Variants in TMEM94 observed in about 807,000 individuals in gnomAD.
The protein encoded by TMEM94 is transmembrane protein 94, also known as ER Mg2+ ATPase.
A neutral mutation model predicts 158.6 loss-of-function variants in TMEM94; 81 were observed. That is an observed-to-expected ratio of 0.51 (90% CI 0.43 to 0.61). The LOEUF (loss-of-function observed/expected upper bound fraction) is 0.61. TMEM94 is among the 20% of genes least tolerant of loss of function. TMEM94 has a pLI of 0.00. For synonymous variants in TMEM94, 751 were observed against 730.7 expected (o/e 1.03, Z -0.45); for missense variants, 1,435 against 1,762.0 (o/e 0.81, Z 3.32).
At chr17:75,490,103 T>C in intron 9 of TMEM94, 131 bp from the exon 10 acceptor site, 1 of 1,340,034 alleles carries the variant, frequency 7.5e-7, no homozygotes. Context: ...GAACACCTCT[T>C]TCCCTTCCTG....
At chr17:75,486,179 G>T in intron 4 of TMEM94, 111 bp from the exon 5 acceptor site, 1 of 1,521,330 alleles carries the variant, frequency 6.6e-7, no homozygotes. Flanking sequence ...CACCAGAACG[G>T]GACAGTCTTT....
Position 75,492,756 on chromosome 17 carries a change from C to T in TMEM94, c.1879C>T (p.Pro627Ser). 1 of 1,608,600 alleles carries T rather than the reference C, an allele frequency of 6.2e-7. No homozygotes were observed. Among genetic ancestry groups the T allele is most frequent in the Non-Finnish European group, 8.5e-7 (1 of 1,179,738 alleles). ...CAGCGCCGTGCTGCCCGTCCATGTG[C>T]CCTGGGGCCTCTGCGAGCTTGCCCG... is the stretch of plus-strand genomic sequence containing the variant. ...SHSAVLPVHV[P>S]WGLCELARLI... is the part of the protein sequence containing the mutation. The change falls in exon 15 of 32, where the codon CCC becomes TCC. Residue 627 changes from proline to serine, a missense_variant. By Grantham distance (74) the Pro-to-Ser change is moderately conservative. Around this residue, in one of 3 missense-constraint regions of TMEM94, gnomAD observed 1,051 missense variants for 1,254.4 expected, o/e 0.84. Transcript: ENST00000314256. This position sits in a 1 kb window ranked among gnomAD's most constrained non-coding sequence, Gnocchi z 4.4.
Position 75,496,386 on chromosome 17 carries a change from A to G in TMEM94, c.3158A>G (p.Gln1053Arg). 1 of 1,613,952 alleles carries G rather than the reference A, an allele frequency of 6.2e-7. No homozygotes were observed. The highest frequency in any genetic ancestry group is 2.2e-5 in the East Asian group (1 of 44,882). ...AQASDGLSPL[Q>R]LSGQLNSLPC... ...GCCTCGGATGGCCTTTCTCCCCTGCAGCTGTCAGGGCAGCTCAACAGCCTG... is the reference window on the plus strand; with the variant it reads ...GCCTCGGATGGCCTTTCTCCCCTGCGGCTGTCAGGGCAGCTCAACAGCCTG... The change falls in exon 24 of 32, where the codon CAG (glutamine) becomes CGG (arginine). Residue 1053 changes from glutamine (Q) to arginine (R), a missense_variant. Gln to Arg is a conservative substitution (Grantham distance 43, BLOSUM62 1). This residue lies in a region of TMEM94 where 335 missense variants were observed against 409.1 expected (regional missense o/e 0.82). Coordinates refer to ENST00000314256, the MANE Select transcript of TMEM94 (RefSeq NM_014738.6).
chr17:75,493,096 A>ACCACCAGTGAGCCCTGGCTACGTTGGC lies in TMEM94; in HGVS notation c.2082_2086+22dup. On this transcript the variant is annotated inframe_insertion, in exon 16 of 32. Coordinates refer to ENST00000314256, the MANE Select transcript of TMEM94 (RefSeq NM_014738.6). ...GATCAGCCTCTTCATTAAAGACACC[A>ACCACCAGTGAGCCCTGGCTACGTTGGC]CCACCAGTGAGCCCTGGCTACGTTG... 1 of 1,612,724 alleles carries ACCACCAGTGAGCCCTGGCTACGTTGGC rather than the reference A, an allele frequency of 6.2e-7. No individual in the cohort carries two copies. The highest frequency in any genetic ancestry group is 8.5e-7 in the Non-Finnish European group (1 of 1,179,764).
At chr17:75,496,206 T>C in intron 23 of TMEM94, 76 bp from the exon 24 acceptor site, 1 of 1,591,890 alleles carries the variant, frequency 6.3e-7, no homozygotes, top group Non-Finnish European at 8.6e-7. Context: ...CACCTGGGCA[T>C]GGTGGGAGAA....
At chr17:75,462,188 T>C (rs1567903627) in intron 1 of TMEM94, among the ~76,000 whole-genome samples, 1 of 151,386 alleles carries the variant, frequency 6.6e-6, no homozygotes, top group Non-Finnish European at 1.5e-5. Context: ...TTTTTTTGTA[T>C]TTTTAGTAGA....
chr17:75,493,672 C>T (rs994415377), intron 17 of TMEM94, 27 bp from the exon 18 acceptor site: 4 of 1,613,712 alleles, frequency 2.5e-6, no homozygotes, highest in African/African-American at 2.7e-5. Flanking sequence ...GGAACACTCA[C>T]CTCACCTCCG....
Position 75,485,896 on chromosome 17 carries a change from A to G in TMEM94, c.170A>G (p.His57Arg). ...GAGGTGTGGAGAAGCAGCTTCCTCC[A>G]CCACAGTAACCGCTGCTCCTGCTTC... ...WKEVWRSSFL[H>R]HSNRCSCFHW... Residue 57 changes from histidine to arginine, a missense_variant, in exon 4 of 32, where the codon CAC becomes CGC. Physicochemically the swap from His to Arg is conservative, Grantham distance 29. This residue lies in a region of TMEM94 where 1,051 missense variants were observed against 1,254.4 expected (regional missense o/e 0.84). Coordinates refer to ENST00000314256, the MANE Select transcript of TMEM94 (RefSeq NM_014738.6). The surrounding 1 kb of genome is among the most constrained non-coding windows in gnomAD (Gnocchi z 5.5). 1.9e-6 allele frequency: 3 copies of G among 1,613,178 alleles called. No individual in the cohort carries two copies. The highest frequency in any genetic ancestry group is 2.7e-5 in the African/African-American group (2 of 75,030).
chr17:75,497,344 C>CTTT (rs67776731), intron 26 of TMEM94, 146 bp downstream of exon 26: 44 of 130,292 alleles, frequency 3.4e-4, no homozygotes, highest in Admixed American at 8.4e-4. Flanking sequence ...CCCCCTTTGT[C>CTTT]TTTTTTTTTT....
In TMEM94 at chr17:75,490,223, C is replaced by A. The variant is rs1206444532; in HGVS notation, c.955-11C>A. ...GCTCAGGAGCCATCTGTGTGGTCCG[C>A]TCCTTCCCAGGTGAATGGCGTCCTG... is the stretch of plus-strand genomic sequence containing the variant. On this transcript the variant is annotated splice_polypyrimidine_tract_variant and intron_variant, in intron 9 of 31. Coordinates refer to ENST00000314256, the MANE Select transcript of TMEM94 (RefSeq NM_014738.6). 1 of 1,613,884 alleles carries A rather than the reference C, an allele frequency of 6.2e-7. No homozygotes were observed. Among genetic ancestry groups the A allele is most frequent in the Non-Finnish European group, 8.5e-7 (1 of 1,179,996 alleles).
rs1253775530 is a variant in TMEM94, at chr17:75,500,174, C to G, written c.*840C>G. On this transcript the variant is annotated 3_prime_UTR_variant, in exon 32 of 32. Transcript: ENST00000314256. ...AAGGGAGGCCTAAACCTTCCTCCAT[C>G]TACGCGGGTGGGTCCCTCAGGTCTG... is the stretch of plus-strand genomic sequence containing the variant. 3 of 152,362 alleles carry G rather than the reference C, an allele frequency of 2.0e-5. No individual in the cohort carries two copies. The highest frequency in any genetic ancestry group is 4.4e-5 in the Non-Finnish European group (3 of 68,110). The allele number at this position is 152,362 out of a possible 1,614,324, so 9.4% of individuals were successfully genotyped here. A position where few individuals can be genotyped will look rare whatever the true frequency, so the allele number is the denominator to read the frequency against.
chr17:75,467,025 A>C (rs2050329823), intron 1 of TMEM94, among the ~76,000 whole-genome samples: 1 of 141,800 alleles, frequency 7.1e-6, no homozygotes, highest in African/African-American at 2.7e-5. Flanking sequence ...CCCAGGCTGG[A>C]GTGCAATGAT....
chr17:75,463,174 G>GTATATATA lies in TMEM94; in HGVS notation c.-107+6424_-107+6425insATATATAT, dbSNP rs1483017222. ...CACGTATATATATGTGTGTGTGTGT[G>GTATATATA]TGTGTATATATATATATATATATAC... On this transcript the variant is annotated intron_variant, in intron 1 of 31. Transcript: ENST00000314256. Among the ~76,000 whole-genome samples the GTATATATA allele has an allele frequency of 2.3e-3, 11 of 4,848 alleles. 1 individual carries two copies. The highest frequency in any genetic ancestry group is 6.7e-3 in the African/African-American group (8 of 1,190). The allele number at this position is 4,848 out of a possible 152,430, so 3.2% of individuals were successfully genotyped here.
Position 75,493,846 on chromosome 17 carries a change from C to T in TMEM94, c.2337C>T (p.Phe779=), listed in dbSNP as rs1421093474. Reference sequence around the variant, plus strand: ...AGGTGCCCGGCCAAAGCAGCATCTTCACCATGTGCGAGCTGCCCAGCACCA... The same window carrying T: ...AGGTGCCCGGCCAAAGCAGCATCTTTACCATGTGCGAGCTGCCCAGCACCA... ...LVQVPGQSSI[F]TMCELPSTIP... Residue 779 remains phenylalanine, a synonymous_variant, in exon 18 of 32, where the codon TTC becomes TTT. Coordinates refer to ENST00000314256, the MANE Select transcript of TMEM94 (RefSeq NM_014738.6). The T allele has an allele frequency of 2.5e-6, 4 of 1,613,422 alleles. No homozygotes were observed. The highest frequency in any genetic ancestry group is 1.3e-5 in the African/African-American group (1 of 74,916).
chr17:75,493,149 C>T, intron 16 of TMEM94, 47 bp downstream of exon 16: 1 of 1,583,394 alleles, frequency 6.3e-7, no homozygotes, highest in Non-Finnish European at 8.6e-7. Flanking sequence ...CCTTCCAGAG[C>T]TTGGCAGGGG....
chr17:75,473,281 C>G (rs933170264), intron 2 of TMEM94, among the ~76,000 whole-genome samples: 3 of 152,214 alleles, frequency 2.0e-5, no homozygotes, highest in African/African-American at 7.2e-5. Flanking sequence ...ATAGCCACCT[C>G]TGGGTGCTCA....
intron 2 of TMEM94, among the ~76,000 whole-genome samples, chr17:75,481,981 G>A (rs2051198262): frequency 6.6e-6 from 1 of 151,494 alleles, no homozygotes; most frequent in African/African-American, 2.5e-5. Flanking sequence ...AGGCTGAGGA[G>A]GGAGGATTGC....
intron 1 of TMEM94, among the ~76,000 whole-genome samples, chr17:75,467,514 C>T (rs56219901): frequency 2.2e-4 from 30 of 134,156 alleles, no homozygotes; most frequent in South Asian, 4.7e-4. Flanking sequence ...CCATCCATTT[C>T]TTTTTCTTTT....
intron 31 of TMEM94, 83 bp from the exon 32 acceptor site, chr17:75,499,179 C>T: frequency 3.8e-6 from 6 of 1,591,196 alleles, no homozygotes; most frequent in Middle Eastern, 1.7e-4. Context: ...GCTGCCCATC[C>T]CTCCCTCCTC....
Sources: gnomAD v4.1 joint callset for allele counts (sites outside exome capture counted in the v4.1 genomes callset) on GRCh38, gnomAD v4.1.1 for gene constraint, gnomAD v4.1.1 regional missense constraint, Gnocchi (gnomAD v3.1) non-coding constraint, MANE v1.5 for transcripts, NCBI Gene and HGNC (gene_info 2026-07-23, HGNC 2026-07-21) for gene names.